The following DOCK5 variants were observed in gnomAD, a reference collection of about 807,000 sequenced individuals.
DOCK5 encodes dedicator of cytokinesis protein 5.
A neutral mutation model predicts 251.8 loss-of-function variants in DOCK5; 142 were observed. The ratio of observed to expected loss-of-function variants is 0.56; its 90% confidence interval spans 0.49 to 0.65. The LOEUF (loss-of-function observed/expected upper bound fraction) is 0.65. Ranked by LOEUF, DOCK5 falls within the 30% of genes least tolerant of loss-of-function variation. The pLI is 0.00. For synonymous variants in DOCK5, 842 were observed against 835.5 expected, an observed-to-expected ratio of 1.01 and a Z score of -0.13; for missense variants, 2,111 against 2,312.3, an observed-to-expected ratio of 0.91 and a Z score of 1.79.
At chr8:25,394,644 C>T (rs1801315564) in intron 44 of DOCK5, among the ~76,000 whole-genome samples, 1 of 152,012 alleles carries the variant, frequency 6.6e-6, no homozygotes, top group South Asian at 2.1e-4. Context: ...GTTCTCTTGT[C>T]GTTGATCTTC....
chr8:25,304,379 C>G, intron 11 of DOCK5, 52 bp downstream of exon 11: 1 of 1,483,168 alleles, frequency 6.7e-7, no homozygotes, highest in Non-Finnish European at 9.1e-7. Flanking sequence ...ATTAGCCATT[C>G]AATTGTCTTT....
chr8:25,377,906 G>A (rs1300611064), intron 38 of DOCK5, among the ~76,000 whole-genome samples: 1 of 130,870 alleles, frequency 7.6e-6, no homozygotes, highest in Non-Finnish European at 1.6e-5. Flanking sequence ...TTTTATTGGG[G>A]TTTCTTTTTT....
intron 18 of DOCK5, among the ~76,000 whole-genome samples, chr8:25,326,750 G>A (rs1805573587): frequency 6.6e-6 from 1 of 152,132 alleles, no homozygotes; most frequent in African/African-American, 2.4e-5. Flanking sequence ...AACAATGAGA[G>A]ATGGACACGA....
intron 6 of DOCK5, among the ~76,000 whole-genome samples, chr8:25,293,228 C>T (rs1056630779): frequency 2.6e-5 from 4 of 151,946 alleles, no homozygotes; most frequent in African/African-American, 9.7e-5. Flanking sequence ...TGATTTTTTT[C>T]CTCCTCCTCT....
At chr8:25,381,925 C>G (rs1001341128) in intron 39 of DOCK5, among the ~76,000 whole-genome samples, 2 of 152,198 alleles carry the variant, frequency 1.3e-5, no homozygotes, top group African/African-American at 4.8e-5. Flanking sequence ...ACATCACCAC[C>G]ACCTTCTGGG....
intron 1 of DOCK5, among the ~76,000 whole-genome samples, chr8:25,240,302 G>A (rs1563320713): frequency 2.0e-5 from 3 of 149,432 alleles, no homozygotes; most frequent in Non-Finnish European, 3.0e-5. Context: ...ACCAGCTTCC[G>A]TCAAGTGTAA....
rs777707873 is a variant in DOCK5, at chr8:25,310,507, G to A, written c.1293G>A (p.Met431Ile). 3 of 1,612,106 alleles carry A rather than the reference G, an allele frequency of 1.9e-6. No individual in the cohort carries two copies. Among genetic ancestry groups the A allele is most frequent in the Non-Finnish European group, 2.5e-6 (3 of 1,179,136 alleles). Residue 431 changes from methionine (M) to isoleucine (I), a missense_variant, in exon 13 of 52, where the codon ATG (methionine) becomes ATA (isoleucine). Physicochemically the swap from Met to Ile is conservative, Grantham distance 10. Around this residue, in one of 3 missense-constraint regions of DOCK5, gnomAD observed 1,717 missense variants for 1,892.4 expected, o/e 0.91. Coordinates refer to ENST00000276440, the MANE Select transcript of DOCK5 (RefSeq NM_024940.8). The stretch of plus-strand genomic sequence containing the variant: ...GATCAACAGCAATAGCCCGGAAGAT[G>A]GGCTTTCCTGAAATCATACTGCCAG... ...VDRSTAIARKMGFPEIILPGD... is the reference protein window; with the variant it reads ...VDRSTAIARKIGFPEIILPGD...
At chr8:25,276,778 G>A (rs572751327) in intron 4 of DOCK5, among the ~76,000 whole-genome samples, 14 of 152,212 alleles carry the variant, frequency 9.2e-5, no homozygotes, top group South Asian at 2.1e-4. Flanking sequence ...TAAATGTCAC[G>A]GTATAGATCT....
At chr8:25,355,402 T>A (rs777143216) in intron 27 of DOCK5, among the ~76,000 whole-genome samples, 4 of 152,098 alleles carry the variant, frequency 2.6e-5, no homozygotes, top group Non-Finnish European at 5.9e-5. Flanking sequence ...CCCAAGAGGG[T>A]TTACTCAAAT....
At chr8:25,239,641 C>G (rs141654266) in intron 1 of DOCK5, among the ~76,000 whole-genome samples, 3 of 151,958 alleles carry the variant, frequency 2.0e-5, no homozygotes, top group Admixed American at 1.3e-4. Flanking sequence ...AGAGCATTTG[C>G]GTAAACCAGC....
chr8:25,287,599 G>A (rs2117143949), intron 5 of DOCK5, among the ~76,000 whole-genome samples: 1 of 152,278 alleles, frequency 6.6e-6, no homozygotes, highest in East Asian at 1.9e-4. Context: ...CACATTGAAA[G>A]CAGAGTATTA....
At chr8:25,296,077 C>T (rs1274388864) in intron 6 of DOCK5, among the ~76,000 whole-genome samples, 1 of 152,148 alleles carries the variant, frequency 6.6e-6, no homozygotes, top group East Asian at 1.9e-4. Context: ...ACCTCAGCCT[C>T]CCAAAGTGCT....
intron 48 of DOCK5, 101 bp downstream of exon 48, chr8:25,403,825 T>A: frequency 8.1e-7 from 1 of 1,232,576 alleles, no homozygotes; most frequent in East Asian, 2.4e-5. Context: ...AGCCTTTGGG[T>A]CATTCTCATT....
chr8:25,251,480 T>C (rs75955134), intron 2 of DOCK5, among the ~76,000 whole-genome samples: 4,057 of 152,326 alleles, frequency 0.027, 215 homozygotes, highest in African/African-American at 0.092. Flanking sequence ...AGAAGAAGTC[T>C]AGTTTTTGAA....
intron 2 of DOCK5, among the ~76,000 whole-genome samples, chr8:25,258,957 A>G (rs193102479): frequency 8.5e-5 from 13 of 152,272 alleles, no homozygotes; most frequent in African/African-American, 2.9e-4. Context: ...TGTCTCTACT[A>G]AAAATACAAA....
intron 2 of DOCK5, among the ~76,000 whole-genome samples, chr8:25,252,913 C>T (rs1187389417): frequency 6.6e-6 from 1 of 152,154 alleles, no homozygotes; most frequent in Non-Finnish European, 1.5e-5. Flanking sequence ...CTCACTACAA[C>T]CTCTGCCTGC....
At chr8:25,263,041 A>G (rs1803635050) in intron 2 of DOCK5, among the ~76,000 whole-genome samples, 1 of 151,888 alleles carries the variant, frequency 6.6e-6, no homozygotes, top group Non-Finnish European at 1.5e-5. Flanking sequence ...CCTTTCTTGA[A>G]TAATATGTTT....
chr8:25,192,793 C>G (rs1801618881), intron 1 of DOCK5, among the ~76,000 whole-genome samples: 1 of 152,108 alleles, frequency 6.6e-6, no homozygotes, highest in Non-Finnish European at 1.5e-5. Flanking sequence ...ATTACAGGCG[C>G]CAGCTACCAC....
chr8:25,200,135 T>C (rs1801846109), intron 1 of DOCK5, among the ~76,000 whole-genome samples: 1 of 152,220 alleles, frequency 6.6e-6, no homozygotes, highest in African/African-American at 2.4e-5. Flanking sequence ...GAAATGGCAA[T>C]GTGCTGTATC....
Sources: gnomAD v4.1 joint callset for allele counts (sites outside exome capture counted in the v4.1 genomes callset) on GRCh38, gnomAD v4.1.1 for gene constraint, gnomAD v4.1.1 regional missense constraint, MANE v1.5 for transcripts, NCBI Gene and HGNC (gene_info 2026-07-23, HGNC 2026-07-21) for gene names.